TTC27: variants seen among roughly 807,000 people sequenced by gnomAD.
The protein encoded by TTC27 is tetratricopeptide repeat protein 27.
A neutral mutation model predicts 115.9 loss-of-function variants in TTC27; 79 were observed. That is an observed-to-expected ratio of 0.68 (90% CI 0.57 to 0.82). The LOEUF (loss-of-function observed/expected upper bound fraction) is 0.82, where lower values mean the gene tolerates loss of function less well. Among genes scored for constraint, TTC27 ranks in the 40% least tolerant of loss-of-function variants. The pLI is 0.00. For synonymous variants in TTC27, 401 were observed against 356.0 expected, an observed-to-expected ratio of 1.13 and a Z score of -1.42; for missense variants, 1,054 against 993.1, an observed-to-expected ratio of 1.06 and a Z score of -0.82.
At chr2:32,637,707 C>T (rs1251588886) in intron 3 of TTC27, among the ~76,000 whole-genome samples, 1 of 152,148 alleles carries the variant, frequency 6.6e-6, no homozygotes, top group East Asian at 1.9e-4. Context: ...AGGAAATCAG[C>T]TTGTTATATC....
intron 7 of TTC27, among the ~76,000 whole-genome samples, chr2:32,667,802 C>A (rs1665843821): frequency 6.6e-6 from 1 of 150,518 alleles, no homozygotes; most frequent in Non-Finnish European, 1.5e-5. Flanking sequence ...GCCTGTAATC[C>A]CAGCACTTTG....
At chr2:32,792,403 T>C (rs909471205) in intron 16 of TTC27, among the ~76,000 whole-genome samples, 3 of 152,228 alleles carry the variant, frequency 2.0e-5, no homozygotes, top group Non-Finnish European at 4.4e-5. Flanking sequence ...TGATTTCTTA[T>C]AGCTAGCGAG....
chr2:32,628,260 G>A lies in TTC27; in HGVS notation c.-33G>A. The stretch of plus-strand genomic sequence containing the variant: ...GTTGACTCCCGTGTGGCCCTCGTGG[G>A]AGCCTGTTTTGGCTGCAGCGGTGTC... On this transcript the variant is annotated 5_prime_UTR_variant, in exon 1 of 20. Coordinates refer to ENST00000317907, the MANE Select transcript of TTC27 (RefSeq NM_017735.5). 6.3e-7 allele frequency: 1 copy of A among 1,587,998 alleles called. No homozygotes were observed.
chr2:32,771,463 T>A (rs17012241), intron 13 of TTC27, among the ~76,000 whole-genome samples: 1 of 152,186 alleles, frequency 6.6e-6, no homozygotes, highest in Admixed American at 6.5e-5. Context: ...TCAGCAAATA[T>A]AAAGACCAGT....
intron 13 of TTC27, among the ~76,000 whole-genome samples, chr2:32,770,224 A>G (rs2148006217): frequency 6.6e-6 from 1 of 152,320 alleles, no homozygotes; most frequent in East Asian, 1.9e-4. Flanking sequence ...AGTGCCAGGT[A>G]CTGTTCTAGA....
intron 13 of TTC27, among the ~76,000 whole-genome samples, chr2:32,760,146 A>G (rs1669385871): frequency 6.6e-6 from 1 of 152,212 alleles, no homozygotes; most frequent in African/African-American, 2.4e-5. Flanking sequence ...CTTATGCTGG[A>G]TTGAGCTAAT....
At chr2:32,730,809 A>T (rs192737165) in intron 10 of TTC27, among the ~76,000 whole-genome samples, 12 of 151,972 alleles carry the variant, frequency 7.9e-5, no homozygotes, top group Non-Finnish European at 1.6e-4. Context: ...TTTAGTAGAG[A>T]TGGGGTTTCA....
chr2:32,741,425 C>A (rs1057417172), intron 12 of TTC27, among the ~76,000 whole-genome samples: 1 of 151,092 alleles, frequency 6.6e-6, no homozygotes, highest in Admixed American at 6.6e-5. Flanking sequence ...GGGCAGATCA[C>A]GAGGTCAAGA....
chr2:32,756,882 G>A (rs570565432), intron 12 of TTC27, among the ~76,000 whole-genome samples: 1 of 152,308 alleles, frequency 6.6e-6, no homozygotes, highest in Admixed American at 6.5e-5. Flanking sequence ...TATCAGAAAT[G>A]GGATGGTGGA....
intron 8 of TTC27, among the ~76,000 whole-genome samples, chr2:32,674,640 ATTAT>A (rs1200710500): frequency 6.6e-6 from 1 of 151,368 alleles, no homozygotes; most frequent in African/African-American, 2.4e-5. Context: ...TTCCTGTAAC[ATTAT>A]TTATTCCAGT....
intron 5 of TTC27, among the ~76,000 whole-genome samples, chr2:32,653,156 T>C (rs959896268): frequency 6.6e-6 from 1 of 152,210 alleles, no homozygotes; most frequent in Non-Finnish European, 1.5e-5. Context: ...GTGCATGAGA[T>C]GTAATATTGC....
intron 16 of TTC27, among the ~76,000 whole-genome samples, chr2:32,794,908 T>C (rs957742905): frequency 6.6e-6 from 1 of 152,086 alleles, no homozygotes; most frequent in Admixed American, 6.5e-5. Context: ...GAAATCTGAA[T>C]AGATGTATAA....
intron 9 of TTC27, among the ~76,000 whole-genome samples, chr2:32,683,094 A>G (rs1666498794): frequency 6.6e-6 from 1 of 151,712 alleles, no homozygotes; most frequent in Non-Finnish European, 1.5e-5. Context: ...TGACCTCGTG[A>G]TCTACCTGCC....
intron 14 of TTC27, among the ~76,000 whole-genome samples, chr2:32,781,883 C>T (rs1300497093): frequency 6.6e-6 from 1 of 152,214 alleles, no homozygotes; most frequent in African/African-American, 2.4e-5. Context: ...AATCTCCATT[C>T]AGCTCACAGC....
chr2:32,647,186 AG>A (rs1452784540), intron 4 of TTC27, among the ~76,000 whole-genome samples: 5 of 151,858 alleles, frequency 3.3e-5, no homozygotes, highest in Middle Eastern at 6.8e-3. Flanking sequence ...GCCTCAAGTG[AG>A]CTTCCTGCTA....
At chr2:32,740,048 T>C (rs763741359) in intron 12 of TTC27, among the ~76,000 whole-genome samples, 1 of 152,258 alleles carries the variant, frequency 6.6e-6, no homozygotes, top group Non-Finnish European at 1.5e-5. Context: ...TTAATGACCA[T>C]AGGCAAAATA....
intron 10 of TTC27, among the ~76,000 whole-genome samples, chr2:32,727,364 G>A (rs1373922582): frequency 2.6e-5 from 4 of 152,178 alleles, no homozygotes; most frequent in African/African-American, 9.7e-5. Flanking sequence ...ACTGACCAGT[G>A]AGTACTTTCT....
intron 10 of TTC27, among the ~76,000 whole-genome samples, chr2:32,726,834 GT>G (rs1303520459): frequency 6.6e-5 from 10 of 152,206 alleles, no homozygotes; most frequent in African/African-American, 1.9e-4. Flanking sequence ...TGGACTTACA[GT>G]TTCACGTGGC....
intron 13 of TTC27, among the ~76,000 whole-genome samples, chr2:32,767,799 T>G (rs543301514): frequency 4.5e-4 from 68 of 152,302 alleles, no homozygotes; most frequent in African/African-American, 1.3e-3. Flanking sequence ...GAATTAAAAA[T>G]ATGTTCTATT....
Sources: gnomAD v4.1 joint callset for allele counts (sites outside exome capture counted in the v4.1 genomes callset) on GRCh38, gnomAD v4.1.1 for gene constraint, MANE v1.5 for transcripts, NCBI Gene and HGNC (gene_info 2026-07-23, HGNC 2026-07-21) for gene names.